TP63: variants seen among roughly 807,000 people sequenced by gnomAD.
TP63 encodes tumor protein p63.
TP63 carries 17 observed loss-of-function variants against 82.8 expected under a neutral mutation model. The observed-to-expected ratio is 0.21, with a 90% CI of 0.14 to 0.31. The LOEUF (loss-of-function observed/expected upper bound fraction) is 0.31. Ranked by LOEUF, TP63 falls within the 10% of genes least tolerant of loss-of-function variation. TP63 has a pLI of 1.00. For synonymous variants in TP63, 330 were observed against 321.7 expected (o/e 1.03, Z -0.28); for missense variants, 648 against 895.3 (o/e 0.72, Z 3.52).
chr3:189,725,106 A>G (rs1719677009), intron 1 of TP63, among the ~76,000 whole-genome samples: 1 of 152,174 alleles, frequency 6.6e-6, no homozygotes, highest in African/African-American at 2.4e-5. Flanking sequence ...CTCATTGTGA[A>G]AAAAAGTCTA....
chr3:189,812,640 TACAAATGGGA>T (rs745575622), intron 4 of TP63, among the ~76,000 whole-genome samples: 23 of 152,198 alleles, frequency 1.5e-4, no homozygotes, highest in African/African-American at 2.7e-4. Flanking sequence ...TTTTCTCACC[TACAAATGGGA>T]ACAAATGGGA....
chr3:189,812,223 T>A (rs748100475), intron 4 of TP63, among the ~76,000 whole-genome samples: 3 of 152,224 alleles, frequency 2.0e-5, no homozygotes, highest in Non-Finnish European at 4.4e-5. Context: ...AAAGTATATG[T>A]GCATTTTTCC....
chr3:189,797,160 T>G (rs1725789001), intron 3 of TP63, among the ~76,000 whole-genome samples: 1 of 152,124 alleles, frequency 6.6e-6, no homozygotes, highest in Non-Finnish European at 1.5e-5. Flanking sequence ...GGCAAAAAGA[T>G]TTCCTTATAA....
chr3:189,713,782 A>G (rs1291238941), intron 1 of TP63, among the ~76,000 whole-genome samples: 2 of 152,154 alleles, frequency 1.3e-5, no homozygotes, highest in Non-Finnish European at 2.9e-5. Flanking sequence ...TATAAATTTT[A>G]TAATTGATGC....
Position 189,866,792 on chromosome 3 carries a change from C to A in TP63, c.877C>A (p.Pro293Thr), listed in dbSNP as rs1303882523. 6.2e-7 allele frequency: 1 copy of A among 1,613,840 alleles called. No homozygotes were observed. Among genetic ancestry groups the A allele is most frequent in the Non-Finnish European group, 8.5e-7 (1 of 1,179,932 alleles). ...RQSVLVPYEP[P>T]QVGTEFTTVL... ...GAGTGTGCTGGTACCTTATGAGCCA[C>A]CCCAGGTAAAAAGCAAAAAACCAAA... Residue 293 changes from proline to threonine, a missense_variant, in exon 6 of 14, where the codon CCC (proline) becomes ACC (threonine). Coordinates refer to ENST00000264731, the MANE Select transcript of TP63 (RefSeq NM_003722.5).
intron 6 of TP63, among the ~76,000 whole-genome samples, chr3:189,867,388 T>C (rs976582083): frequency 9.8e-5 from 15 of 152,340 alleles, no homozygotes; most frequent in African/African-American, 3.6e-4. Context: ...TCTGAGAACA[T>C]TTTGAGCTCT....
intron 1 of TP63, among the ~76,000 whole-genome samples, chr3:189,730,470 C>A (rs1352461376): frequency 1.1e-4 from 17 of 151,974 alleles, no homozygotes; most frequent in Admixed American, 1.1e-3. Flanking sequence ...TTCATATTGC[C>A]CAAGTTTTGT....
At chr3:189,745,494 G>A (rs1721298204) in intron 3 of TP63, among the ~76,000 whole-genome samples, 1 of 151,770 alleles carries the variant, frequency 6.6e-6, no homozygotes, top group Non-Finnish European at 1.5e-5. Context: ...AGATCACAAG[G>A]TCAACAGATT....
intron 3 of TP63, among the ~76,000 whole-genome samples, chr3:189,742,607 G>T (rs576466160): frequency 8.5e-4 from 130 of 152,266 alleles, no homozygotes; most frequent in African/African-American, 2.6e-3. Flanking sequence ...TGTCTGGAAA[G>T]GCTTAGGCAA....
chr3:189,872,966 G>A lies in TP63; in HGVS notation c.1320G>A (p.Gln440=). The stretch of plus-strand genomic sequence containing the variant: ...TTGAAACGTACAGGCAACAGCAACA[G>A]CAGCAGCACCAGCACTTACTTCAGA... ...HTIETYRQQQ[Q]QQHQHLLQKQ... Residue 440 remains glutamine (Q), a synonymous_variant, in exon 10 of 14, where the codon CAG becomes CAA. Coordinates refer to ENST00000264731, the MANE Select transcript of TP63 (RefSeq NM_003722.5). 1 of 1,614,136 alleles carries A rather than the reference G, an allele frequency of 6.2e-7. No individual in the cohort carries two copies. The highest frequency in any genetic ancestry group is 8.5e-7 in the Non-Finnish European group (1 of 1,180,002).
At chr3:189,778,639 A>G (rs1041184551) in intron 3 of TP63, among the ~76,000 whole-genome samples, 2 of 152,248 alleles carry the variant, frequency 1.3e-5, no homozygotes, top group African/African-American at 4.8e-5. Context: ...AATTGTAAGA[A>G]TGTGGATATT....
At chr3:189,828,697 T>C (rs1711825753) in intron 4 of TP63, among the ~76,000 whole-genome samples, 2 of 152,240 alleles carry the variant, frequency 1.3e-5, no homozygotes, top group Admixed American at 6.5e-5. Flanking sequence ...TAGCCAATGA[T>C]TGGCTTGATG....
chr3:189,740,494 T>G (rs1331128304), intron 3 of TP63, among the ~76,000 whole-genome samples: 1 of 145,340 alleles, frequency 6.9e-6, no homozygotes, highest in Non-Finnish European at 1.5e-5. Context: ...TATTGTTGTT[T>G]GTTTTTTGAT....
At chr3:189,634,993 A>G (rs906907122) in intron 1 of TP63, among the ~76,000 whole-genome samples, 6 of 152,066 alleles carry the variant, frequency 3.9e-5, no homozygotes, top group Admixed American at 3.9e-4. Context: ...AAATTCTTTC[A>G]AAGTATTTTT....
At chr3:189,777,036 A>G (rs1723855524) in intron 3 of TP63, among the ~76,000 whole-genome samples, 1 of 152,194 alleles carries the variant, frequency 6.6e-6, no homozygotes, top group Admixed American at 6.5e-5. Context: ...ACCTTTCTGG[A>G]AGCTTAAAGC....
chr3:189,857,557 G>C (rs1269338826), intron 4 of TP63, among the ~76,000 whole-genome samples: 1 of 152,112 alleles, frequency 6.6e-6, no homozygotes, highest in Non-Finnish European at 1.5e-5. Flanking sequence ...TACAGGCTGG[G>C]AGAAAGTATA....
At chr3:189,597,594 A>C in the TP63 span, among the ~76,000 whole-genome samples, 1 of 152,242 alleles carries the variant, frequency 6.6e-6, no homozygotes. Flanking sequence ...ACAGATTCAT[A>C]GGTGGTTTAG....
chr3:189,897,128 C>G lies in TP63; in HGVS notation c.*2626C>G, dbSNP rs2108879696. 2 of 223,184 alleles carry G rather than the reference C, an allele frequency of 9.0e-6. No homozygotes were observed. 13.8% of individuals were successfully genotyped at this position (223,184 alleles called of 1,614,324 possible). A position where few individuals can be genotyped will look rare whatever the true frequency, so the allele number is the denominator to read the frequency against. ...ATTAATGTTTTCAAAAGGTATTATA[C>G]ATGTGATACATTTTTTAAGCTTCAG... On this transcript the variant is annotated 3_prime_UTR_variant, in exon 14 of 14. Transcript: ENST00000264731.
chr3:189,624,969 A>G, the TP63 span, among the ~76,000 whole-genome samples: 1 of 152,202 alleles, frequency 6.6e-6, no homozygotes, highest in Admixed American at 6.6e-5. Flanking sequence ...AACTAAAAGT[A>G]TTCCCTATTC....
Sources: gnomAD v4.1 joint callset for allele counts (sites outside exome capture counted in the v4.1 genomes callset) on GRCh38, gnomAD v4.1.1 for gene constraint, MANE v1.5 for transcripts, NCBI Gene and HGNC (gene_info 2026-07-23, HGNC 2026-07-21) for gene names.